HS3ST3A1: variants seen among roughly 807,000 people sequenced by gnomAD.
The protein encoded by HS3ST3A1 is heparan sulfate-glucosamine 3-sulfotransferase 3A1, also known as heparan sulfate glucosamine 3-O-sulfotransferase 3A1.
A neutral mutation model predicts 25.7 loss-of-function variants in HS3ST3A1; 19 were observed. The ratio of observed to expected loss-of-function variants is 0.74; its 90% CI spans 0.52 to 1.08. The LOEUF is 1.08. Among genes scored for constraint, HS3ST3A1 ranks in the 50% least tolerant of loss-of-function variants. HS3ST3A1 has a pLI of 0.00. For missense variants in HS3ST3A1, 459 were observed against 594.3 expected (o/e 0.77, Z 2.37); for synonymous variants, 226 against 278.6 (o/e 0.81, Z 1.88).
chr17:13,514,168 T>A lies in HS3ST3A1; in HGVS notation c.600-17350A>T, dbSNP rs115152858. ...TTTCTTAGATTTCAAATATTTTCTT[T>A]ACATTAATGATATTTATCCCTTGTC... On this transcript the variant is annotated intron_variant, in intron 1 of 1. Coordinates refer to ENST00000284110, the MANE Select transcript of HS3ST3A1 (RefSeq NM_006042.3). 9.2e-3 allele frequency among the ~76,000 whole-genome samples: 1,395 copies of A among 152,158 alleles called. 27 individuals are homozygous for A. Among genetic ancestry groups the A allele is most frequent in the African/African-American group, 0.032 (1,328 of 41,562 alleles).
chr17:13,503,292 A>C (rs1905548148), intron 1 of HS3ST3A1, among the ~76,000 whole-genome samples: 1 of 152,210 alleles, frequency 6.6e-6, no homozygotes, highest in Admixed American at 6.5e-5. Flanking sequence ...AAGGAAGTAA[A>C]GTTTTGTTAA....
chr17:13,555,990 T>C (rs1300286443), intron 1 of HS3ST3A1: 1 of 152,208 alleles, frequency 6.6e-6, no homozygotes, highest in Non-Finnish European at 1.5e-5. Context: ...CTCCCAATCT[T>C]ATGCAAAATG....
intron 1 of HS3ST3A1, among the ~76,000 whole-genome samples, chr17:13,553,852 C>T (rs1313670794): frequency 1.3e-5 from 2 of 152,110 alleles, no homozygotes; most frequent in Non-Finnish European, 2.9e-5. Flanking sequence ...TAAGTAGGCC[C>T]CTGACCTAAC....
intron 1 of HS3ST3A1, among the ~76,000 whole-genome samples, chr17:13,533,052 C>T (rs548295341): frequency 6.6e-6 from 1 of 152,150 alleles, no homozygotes; most frequent in Non-Finnish European, 1.5e-5. Flanking sequence ...AAAAGGACAA[C>T]AGCACCTGCT....
At chr17:13,511,968 A>T (rs1905875406) in intron 1 of HS3ST3A1, among the ~76,000 whole-genome samples, 1 of 152,118 alleles carries the variant, frequency 6.6e-6, no homozygotes, top group Admixed American at 6.6e-5. Flanking sequence ...CATATTTTGG[A>T]TCAAAATATA....
intron 1 of HS3ST3A1, among the ~76,000 whole-genome samples, chr17:13,586,207 C>CT (rs1389670512): frequency 6.6e-6 from 1 of 152,046 alleles, no homozygotes; most frequent in African/African-American, 2.4e-5. Context: ...TTTCCTCCTC[C>CT]TTTTCGCATG....
intron 1 of HS3ST3A1, among the ~76,000 whole-genome samples, chr17:13,555,001 C>T (rs1011446843): frequency 2.6e-5 from 4 of 152,138 alleles, no homozygotes; most frequent in Non-Finnish European, 4.4e-5. Context: ...TTCAGCAGCA[C>T]GTGCCTGATT....
intron 1 of HS3ST3A1, among the ~76,000 whole-genome samples, chr17:13,526,880 C>T (rs568278527): frequency 8.3e-4 from 126 of 151,982 alleles, no homozygotes; most frequent in Non-Finnish European, 1.4e-3. Flanking sequence ...CTCGAACTCC[C>T]GACCTCAGGT....
At chr17:13,578,333 A>T (rs1028247784) in intron 1 of HS3ST3A1, among the ~76,000 whole-genome samples, 3 of 147,784 alleles carry the variant, frequency 2.0e-5, no homozygotes, top group African/African-American at 7.5e-5. Context: ...GGATCACCTG[A>T]GGTCTGGAGT....
chr17:13,562,300 G>A (rs528463146), intron 1 of HS3ST3A1, among the ~76,000 whole-genome samples: 2 of 152,200 alleles, frequency 1.3e-5, no homozygotes, highest in African/African-American at 4.8e-5. Context: ...GTCCAGGATC[G>A]CTCATTCTGC....
Position 13,495,050 on chromosome 17 carries a change from A to T in HS3ST3A1, c.*1147T>A, listed in dbSNP as rs1220108154. On this transcript the variant is annotated 3_prime_UTR_variant, in exon 2 of 2. Coordinates refer to ENST00000284110, the MANE Select transcript of HS3ST3A1 (RefSeq NM_006042.3). The stretch of plus-strand genomic sequence containing the variant: ...CTAGCTCCAAAGTTAGAAGTGAGAT[A>T]TTACAAAGAAAGGTAGGTTTTCTCT... Among the ~76,000 whole-genome samples, 1 of 152,230 alleles carries T rather than the reference A, an allele frequency of 6.6e-6. No individual in the cohort carries two copies. The highest frequency in any genetic ancestry group is 1.5e-5 in the Non-Finnish European group (1 of 68,038).
At chr17:13,526,149 G>C (rs1313524907) in intron 1 of HS3ST3A1, among the ~76,000 whole-genome samples, 1 of 151,930 alleles carries the variant, frequency 6.6e-6, no homozygotes, top group Non-Finnish European at 1.5e-5. Flanking sequence ...CTGCCCTGCA[G>C]TGCGCCCTCC....
chr17:13,551,104 T>G (rs1040994951), intron 1 of HS3ST3A1, among the ~76,000 whole-genome samples: 3 of 143,520 alleles, frequency 2.1e-5, no homozygotes, highest in African/African-American at 7.8e-5. Flanking sequence ...CAAAAAAATC[T>G]ATAACGAGTA....
intron 1 of HS3ST3A1, among the ~76,000 whole-genome samples, chr17:13,590,010 C>T (rs879404170): frequency 2.6e-5 from 4 of 152,016 alleles, no homozygotes; most frequent in Non-Finnish European, 4.4e-5. Flanking sequence ...CAAGTAAGAA[C>T]TCTGAAAAAA....
At chr17:13,550,698 C>T (rs1419826873) in intron 1 of HS3ST3A1, among the ~76,000 whole-genome samples, 1 of 145,342 alleles carries the variant, frequency 6.9e-6, no homozygotes, top group South Asian at 2.2e-4. Flanking sequence ...AAATGGAAGG[C>T]AAACACCAAA....
chr17:13,584,110 A>C (rs112662897), intron 1 of HS3ST3A1, among the ~76,000 whole-genome samples: 33 of 152,344 alleles, frequency 2.2e-4, no homozygotes, highest in African/African-American at 6.5e-4. Flanking sequence ...CCAATGGTTA[A>C]AACTTTTTAA....
chr17:13,523,281 C>T (rs1469213308), intron 1 of HS3ST3A1, among the ~76,000 whole-genome samples: 4 of 152,012 alleles, frequency 2.6e-5, no homozygotes, highest in African/African-American at 7.3e-5. Context: ...AACAAGGAAA[C>T]GACAAAGAAT....
chr17:13,600,592 C>T lies in HS3ST3A1; in HGVS notation c.538G>A (p.Ala180Thr), dbSNP rs545942332. 7 of 1,599,878 alleles carry T rather than the reference C, an allele frequency of 4.4e-6. No individual in the cohort carries two copies. The Admixed American group carries it at 5.0e-5, about 12-fold the overall frequency. The change falls in exon 1 of 2, where the codon GCC becomes ACC. Residue 180 changes from alanine to threonine, a missense_variant. Around this residue, in one of 3 missense-constraint regions of HS3ST3A1, gnomAD observed 346 missense variants for 303.9 expected, o/e 1.14. Transcript: ENST00000284110. ...AAGAAGTGGGGCTCGGCGCCCACGG[C>T]GCGCACGTCGGGGTGCACGCGCAGG... ...EFLRVHPDVRAVGAEPHFFDR... is the reference protein window; with the variant it reads ...EFLRVHPDVRTVGAEPHFFDR...
At chr17:13,548,635 G>C (rs1907153300) in intron 1 of HS3ST3A1, among the ~76,000 whole-genome samples, 1 of 152,126 alleles carries the variant, frequency 6.6e-6, no homozygotes, top group Non-Finnish European at 1.5e-5. Flanking sequence ...TGGGCTTCTG[G>C]GTCGGGCGGG....
Sources: allele counts gnomAD v4.1 joint callset (sites outside exome capture counted in the v4.1 genomes callset), GRCh38; gene constraint gnomAD v4.1.1; regional missense constraint gnomAD v4.1.1; transcripts MANE v1.5; gene names NCBI Gene and HGNC (gene_info 2026-07-23, HGNC 2026-07-21).